HAL: variants seen among roughly 807,000 people sequenced by gnomAD.
HAL encodes the protein histidase.
HAL carries 85 observed loss-of-function variants against 81.1 expected under a neutral mutation model. The observed-to-expected ratio is 1.05, with a 90% CI of 0.88 to 1.25. HAL has a LOEUF of 1.25. HAL is among the 50% of genes most tolerant of loss of function. The pLI is 0.00. For synonymous variants in HAL, 301 were observed against 309.2 expected, an observed-to-expected ratio of 0.97 and a Z score of 0.28; for missense variants, 798 against 836.6, an observed-to-expected ratio of 0.95 and a Z score of 0.57.
chr12:95,995,862 A>C lies in HAL; in HGVS notation c.49T>G (p.Cys17Gly). ...CCCACAGTGAGCTGCGCGTCCTGGC[A>C]GGGCACTGCCAGCCATTCCCCACGT... ...HVRGEWLAVP[C>G]QDAQLTVGWL... The change falls in exon 2 of 21, where the codon TGC becomes GGC. Residue 17 changes from cysteine (C) to glycine (G), a missense_variant. Coordinates refer to ENST00000261208, the MANE Select transcript of HAL (RefSeq NM_002108.4). 6.2e-7 allele frequency: 1 copy of C among 1,608,886 alleles called. No individual in the cohort carries two copies. The highest frequency in any genetic ancestry group is 8.5e-7 in the Non-Finnish European group (1 of 1,179,884).
At chr12:95,975,396 G>A (rs778640812) in intron 20 of HAL, among the ~76,000 whole-genome samples, 2 of 147,328 alleles carry the variant, frequency 1.4e-5, no homozygotes, top group East Asian at 2.0e-4. Flanking sequence ...GTAAGGCCCT[G>A]GACGGGCATG....
rs886049903 is a variant in HAL, at chr12:95,996,104, G to A, written c.-108C>T. 1.3e-5 allele frequency: 8 copies of A among 626,154 alleles called. No homozygotes were observed. The highest frequency in any genetic ancestry group is 4.3e-4 in the Middle Eastern group (1 of 2,346). 38.8% of individuals were successfully genotyped at this position (626,154 alleles called of 1,614,324 possible). On this transcript the variant is annotated 5_prime_UTR_variant, in exon 1 of 21. Coordinates refer to ENST00000261208, the MANE Select transcript of HAL (RefSeq NM_002108.4). ...TGCTGTCCCTTTGGTTTTTGTAGCC[G>A]AGCAGGGGCAGGAGCAGGGGATGCA... is the stretch of plus-strand genomic sequence containing the variant.
At position 95,995,954 on chromosome 12, in the gene HAL, A is replaced by T. The variant is rs1456899349; in HGVS notation, c.-44T>A. The T allele has an allele frequency of 6.3e-7, 1 of 1,596,890 alleles. No homozygotes were observed. The highest frequency in any genetic ancestry group is 1.7e-5 in the Admixed American group (1 of 59,898). ...GGTCCTCAGCTGGTCACAGGAGGGG[A>T]GAGCTTTATGCAGGAGTGGCTACCG... On this transcript the variant is annotated 5_prime_UTR_variant, in exon 2 of 21. Coordinates refer to ENST00000261208, the MANE Select transcript of HAL (RefSeq NM_002108.4).
chr12:95,974,237 G>A lies in HAL; in HGVS notation c.1969C>T (p.Leu657Phe), dbSNP rs1389533435. 1.9e-6 allele frequency: 3 copies of A among 1,613,952 alleles called. No homozygotes were observed. In the East Asian group the frequency reaches 6.7e-5, roughly 36 times the overall value. Residue 657 changes from leucine to phenylalanine, a missense_variant, in exon 21 of 21, where the codon CTT becomes TTT. Coordinates refer to ENST00000261208, the MANE Select transcript of HAL (RefSeq NM_002108.4). ...CTACTTCATGACAAAGCCCATTAAA[G>A]GTCCTCAGACTCCGGGATTTTGGTG... is the stretch of plus-strand genomic sequence containing the variant. ...KSTKIPESED[L>F]
Position 95,974,122 on chromosome 12 carries a change from G to T in HAL, c.*110C>A, listed in dbSNP as rs2230885. ...AACGTAGGCTTTAGAAGAACTGAAT[G>T]ATACAATGGATTGATCTACCTAGGA... On this transcript the variant is annotated 3_prime_UTR_variant, in exon 21 of 21. Transcript: ENST00000261208. 0.18 allele frequency: 171,121 copies of T among 946,290 alleles called. 16,664 individuals are homozygous for T. The highest frequency in any genetic ancestry group is 0.3 in the African/African-American group (18,773 of 62,332). The allele number at this position is 946,290 out of a possible 1,614,324, so 58.6% of individuals were successfully genotyped here.
rs1054604833 is a variant in HAL, at chr12:95,995,685, T to C, written c.226A>G (p.Asn76Asp). The C allele has an allele frequency of 6.2e-7, 1 of 1,613,488 alleles. No homozygotes were observed. Among genetic ancestry groups the C allele is most frequent in the East Asian group, 2.2e-5 (1 of 44,876 alleles). Residue 76 changes from asparagine (N) to aspartate (D), a missense_variant, in exon 2 of 21, where the codon AAC becomes GAC. By Grantham distance (23) the Asn-to-Asp change is conservative. Coordinates refer to ENST00000261208, the MANE Select transcript of HAL (RefSeq NM_002108.4). The part of the protein sequence containing the change: ...NEDRLEVALE[N>D]NEFVEVVIEG... ...TCACCCACTTCCACGAACTCGTTGT[T>C]CTCTAGGGCCACCTCGAGCCGGTCC...
chr12:95,994,239 G>T, intron 4 of HAL, 75 bp from the exon 5 acceptor site: 1 of 920,734 alleles, frequency 1.1e-6, no homozygotes, highest in Non-Finnish European at 1.8e-6. Flanking sequence ...ACCTCCAACA[G>T]AACCAAACTG....
chr12:95,991,104 T>C lies in HAL; in HGVS notation c.716-572A>G, dbSNP rs559336152. Among the ~76,000 whole-genome samples, 14 of 152,288 alleles carry C rather than the reference T, an allele frequency of 9.2e-5. 1 individual carries two copies. Among genetic ancestry groups the C allele is most frequent in the Admixed American group, 4.6e-4 (7 of 15,300 alleles). The stretch of plus-strand genomic sequence containing the variant: ...CAGCCTGGGTGACAAAGCAGGATCC[T>C]GTCTCCTAAATAAATAAGAAGAAGG... On this transcript the variant is annotated intron_variant, in intron 9 of 20. Transcript: ENST00000261208.
intron 15 of HAL, among the ~76,000 whole-genome samples, chr12:95,982,372 AT>A (rs1325977841): frequency 2.0e-5 from 3 of 152,232 alleles, no homozygotes; most frequent in African/African-American, 7.2e-5. Flanking sequence ...TAGCAGAAGA[AT>A]TTAGTGAGGA....
rs1029353737 is a variant in HAL at position 95,973,016 on chromosome 12, A to C, written c.*1216T>G. ...TGCAGCAGTTTTCACTTCAGTTTCCACCTGACAGGTTGTAAATCTAAAGGG... is the reference window on the plus strand; with the variant it reads ...TGCAGCAGTTTTCACTTCAGTTTCCCCCTGACAGGTTGTAAATCTAAAGGG... On this transcript the variant is annotated 3_prime_UTR_variant, in exon 21 of 21. Transcript: ENST00000261208. 2 of 152,172 alleles carry C rather than the reference A, an allele frequency of 1.3e-5. No individual in the cohort carries two copies. The highest frequency in any genetic ancestry group is 2.9e-5 in the Non-Finnish European group (2 of 68,028). The allele number at this position is 152,172 out of a possible 1,614,324, so 9.4% of individuals were successfully genotyped here.
rs559797600 is a variant in HAL at position 95,990,185 on chromosome 12, A to G, written c.855+208T>C. 3 of 627,246 alleles carry G rather than the reference A, an allele frequency of 4.8e-6. No individual in the cohort carries two copies. The African/African-American group carries it at 5.4e-5, about 11-fold the overall frequency. The allele number at this position is 627,246 out of a possible 1,614,324, so 38.9% of individuals were successfully genotyped here. A position where few individuals can be genotyped will look rare whatever the true frequency, so the allele number is the denominator to read the frequency against. On this transcript the variant is annotated intron_variant, in intron 10 of 20. Coordinates refer to ENST00000261208, the MANE Select transcript of HAL (RefSeq NM_002108.4). Reference sequence around the variant, plus strand: ...TGCCTTTTCACCAAGGTGATGACCAAACCCAGAAGGCTGACAGCCGAGTAT... The same window carrying G: ...TGCCTTTTCACCAAGGTGATGACCAGACCCAGAAGGCTGACAGCCGAGTAT...
chr12:95,995,766 C>G lies in HAL; in HGVS notation c.145G>C (p.Asp49His). Residue 49 changes from aspartate to histidine, a missense_variant, in exon 2 of 21, where the codon GAT (aspartate) becomes CAT (histidine). Asp to His is a moderately conservative substitution (Grantham distance 81, BLOSUM62 -1). Transcript: ENST00000261208. ...CGGCGCACAAGGAAGTGCGCGTCAT[C>G]CACGGAGGTGAAGCCACCATTGTCG... ...KPDNGGFTSV[D>H]DAHFLVRRCK... 6.2e-7 allele frequency: 1 copy of G among 1,613,762 alleles called. No homozygotes were observed. Among genetic ancestry groups the G allele is most frequent in the Non-Finnish European group, 8.5e-7 (1 of 1,180,042 alleles).
Position 95,990,524 on chromosome 12 carries a change from G to C in HAL, c.724C>G (p.Leu242Val). ...GTTCCTTTCTCTGGGACATAGGGCA[G>C]GCAGGAGGCTGGGAGAGAAGTAGGC... is the stretch of plus-strand genomic sequence containing the variant. ...QVIEMFNASCLPYVPEKGTVG... is the reference protein window; with the variant it reads ...QVIEMFNASCVPYVPEKGTVG... Residue 242 changes from leucine (L) to valine (V), a missense_variant, in exon 10 of 21, where the codon CTG becomes GTG. By Grantham distance (32) the Leu-to-Val change is conservative (BLOSUM62 1). Coordinates refer to ENST00000261208, the MANE Select transcript of HAL (RefSeq NM_002108.4). The C allele has an allele frequency of 6.2e-7, 1 of 1,613,534 alleles. No homozygotes were observed. The highest frequency in any genetic ancestry group is 1.3e-5 in the African/African-American group (1 of 75,050).
intron 20 of HAL, chr12:95,976,057 A>C (rs1340425302): frequency 8.3e-6 from 3 of 359,470 alleles, no homozygotes; most frequent in African/African-American, 2.1e-5. Flanking sequence ...CATTGCACCC[A>C]GTGGTGGTAG....
chr12:95,992,216 C>G (rs903542859), intron 9 of HAL, among the ~76,000 whole-genome samples: 1 of 152,222 alleles, frequency 6.6e-6, no homozygotes, highest in African/African-American at 2.4e-5. Context: ...TCTGTTCTAC[C>G]CTTGCAAGAA....
At chr12:95,990,326 G>A in intron 10 of HAL, 67 bp downstream of exon 10, 1 of 1,277,026 alleles carries the variant, frequency 7.8e-7, no homozygotes, top group African/African-American at 1.5e-5. Flanking sequence ...GTGATACGAA[G>A]CATGCAAGCA....
At chr12:95,977,850 T>C (rs1466692831) in intron 18 of HAL, 94 bp downstream of exon 18, 2 of 1,328,630 alleles carry the variant, frequency 1.5e-6, no homozygotes, top group African/African-American at 2.9e-5. Flanking sequence ...AGTTTCCAGG[T>C]GATGCTGATG....
At chr12:95,984,020 AC>A in intron 14 of HAL, 29 bp from the exon 15 acceptor site, 1 of 1,119,126 alleles carries the variant, frequency 8.9e-7, no homozygotes, top group Non-Finnish European at 1.4e-6. Context: ...AAGGTATATG[AC>A]CCATTTGATT....
At chr12:95,983,040 C>A (rs144546558) in intron 15 of HAL, among the ~76,000 whole-genome samples, 32 of 152,310 alleles carry the variant, frequency 2.1e-4, no homozygotes, top group Non-Finnish European at 2.9e-4. Flanking sequence ...TTTACTATTT[C>A]TTTGAACAAA....
Sources: gnomAD v4.1 joint callset for allele counts (sites outside exome capture counted in the v4.1 genomes callset) on GRCh38, gnomAD v4.1.1 for gene constraint, MANE v1.5 for transcripts, NCBI Gene and HGNC (gene_info 2026-07-23, HGNC 2026-07-21) for gene names.